ANKRD17: variants seen among roughly 807,000 people sequenced by gnomAD.
ANKRD17 encodes ankyrin repeat domain 17.
ANKRD17 carries 19 observed loss-of-function variants against 229.7 expected under a neutral mutation model. That is an observed-to-expected ratio of 0.08 (90% confidence interval 0.06 to 0.12). The LOEUF (loss-of-function observed/expected upper bound fraction) is 0.12. Ranked by LOEUF, ANKRD17 falls within the 10% of genes least tolerant of loss-of-function variation. ANKRD17 has a pLI of 1.00. For missense variants in ANKRD17, 2,176 were observed against 3,176.8 expected, an observed-to-expected ratio of 0.68 and a Z score of 7.57; for synonymous variants, 1,112 against 1,146.1, an observed-to-expected ratio of 0.97 and a Z score of 0.60.
chr4:73,179,612 G>A (rs1480288798), intron 1 of ANKRD17, among the ~76,000 whole-genome samples: 2 of 147,202 alleles, frequency 1.4e-5, no homozygotes, highest in Non-Finnish European at 3.0e-5. Context: ...TCCTGCCTTG[G>A]CCTCCCAAGT....
chr4:73,094,260 T>C, intron 27 of ANKRD17, 32 bp from the exon 28 acceptor site: 2 of 1,571,102 alleles, frequency 1.3e-6, no homozygotes, highest in Non-Finnish European at 1.7e-6. Context: ...AAATTAAGAT[T>C]AGTCATTAAC....
chr4:73,135,538 T>C (rs1178700054), intron 15 of ANKRD17, among the ~76,000 whole-genome samples: 1 of 152,054 alleles, frequency 6.6e-6, no homozygotes, highest in Non-Finnish European at 1.5e-5. Flanking sequence ...AAAATAACCC[T>C]GAAAACAAAA....
At chr4:73,153,012 C>T (rs1161255430) in intron 6 of ANKRD17, among the ~76,000 whole-genome samples, 1 of 152,136 alleles carries the variant, frequency 6.6e-6, no homozygotes, top group East Asian at 1.9e-4. Context: ...AGGCATCATA[C>T]AACCTTGGCT....
intron 27 of ANKRD17, among the ~76,000 whole-genome samples, chr4:73,095,602 C>CA (rs74663586): frequency 0.047 from 2,265 of 48,042 alleles, 50 homozygotes; most frequent in African/African-American, 0.12. Flanking sequence ...AACTCCATCT[C>CA]AAAAAAAAAA....
chr4:73,232,840 C>G (rs952357412), intron 1 of ANKRD17, among the ~76,000 whole-genome samples: 1 of 152,090 alleles, frequency 6.6e-6, no homozygotes, highest in Non-Finnish European at 1.5e-5. Context: ...TCTCCTGCCT[C>G]GGCCTCCCAA....
At chr4:73,246,335 TG>T (rs1744497635) in intron 1 of ANKRD17, among the ~76,000 whole-genome samples, 1 of 152,188 alleles carries the variant, frequency 6.6e-6, no homozygotes, top group Non-Finnish European at 1.5e-5. Flanking sequence ...CACAATGGGT[TG>T]GGTGAAAAGA....
intron 1 of ANKRD17, among the ~76,000 whole-genome samples, chr4:73,253,341 C>T (rs578125561): frequency 1.9e-3 from 288 of 152,320 alleles, no homozygotes; most frequent in Non-Finnish European, 3.1e-3. Context: ...CCATTGCTCA[C>T]GCAGTACAGC....
chr4:73,153,846 A>G, intron 6 of ANKRD17, 34 bp downstream of exon 6: 1 of 1,346,000 alleles, frequency 7.4e-7, no homozygotes. Flanking sequence ...TCACATATTT[A>G]AAAACTTTGT....
intron 6 of ANKRD17, among the ~76,000 whole-genome samples, chr4:73,152,644 A>G (rs984348534): frequency 6.6e-6 from 1 of 152,162 alleles, no homozygotes; most frequent in Non-Finnish European, 1.5e-5. Context: ...GAGAGGGCAG[A>G]GTAGTTACAA....
At chr4:73,184,795 A>G (rs1454585030) in intron 1 of ANKRD17, among the ~76,000 whole-genome samples, 1 of 152,216 alleles carries the variant, frequency 6.6e-6, no homozygotes, top group Non-Finnish European at 1.5e-5. Context: ...TAATACAGTG[A>G]TTGTGCAGAG....
At chr4:73,175,988 G>GAA (rs146454432) in intron 2 of ANKRD17, among the ~76,000 whole-genome samples, 8 of 138,266 alleles carry the variant, frequency 5.8e-5, no homozygotes, top group African/African-American at 8.0e-5. Flanking sequence ...TTCTGCACAG[G>GAA]AAAAAAAAAA....
chr4:73,120,779 A>T (rs1224233631), intron 20 of ANKRD17, 102 bp downstream of exon 20: 1 of 954,802 alleles, frequency 1.0e-6, no homozygotes, highest in African/African-American at 1.7e-5. Context: ...ATAGGAGATA[A>T]ATGTTACTAG....
chr4:73,207,122 C>T lies in ANKRD17; in HGVS notation c.394-29589G>A, dbSNP rs565685952. On this transcript the variant is annotated intron_variant, in intron 1 of 33. Transcript: ENST00000358602. ...TACAGGCATGAGCCACCGTGCCCAG[C>T]CAAGAGAGTAGATTTTTAAGTGATC... is the stretch of plus-strand genomic sequence containing the variant. Among the ~76,000 whole-genome samples the T allele has an allele frequency of 7.4e-4, 113 of 152,116 alleles. 1 individual carries two copies. In the South Asian group the frequency reaches 0.016, roughly 22 times the overall value.
chr4:73,193,829 G>A (rs2149076521), intron 1 of ANKRD17, among the ~76,000 whole-genome samples: 1 of 152,216 alleles, frequency 6.6e-6, no homozygotes, highest in Admixed American at 6.5e-5. Flanking sequence ...AAGTACTCGG[G>A]GCTGGGGCAG....
chr4:73,182,028 A>T (rs1233553435), intron 1 of ANKRD17, among the ~76,000 whole-genome samples: 1 of 113,590 alleles, frequency 8.8e-6, no homozygotes, highest in African/African-American at 3.4e-5. Context: ...AGCCTGGGCG[A>T]CAGAGCAAGA....
In ANKRD17 at chr4:73,098,892, G is replaced by A. The variant is rs533399012; in HGVS notation, c.4574-372C>T. ...CAGGAAATGGACAGCACTGAGAAGCGGGGCCGGGGCAGGCCCCGCAAGCAG... is the reference window on the plus strand; with the variant it reads ...CAGGAAATGGACAGCACTGAGAAGCAGGGCCGGGGCAGGCCCCGCAAGCAG... On this transcript the variant is annotated intron_variant, in intron 25 of 33. Coordinates refer to ENST00000358602, the MANE Select transcript of ANKRD17 (RefSeq NM_032217.5). The A allele has an allele frequency of 1.7e-5, 21 of 1,232,482 alleles. No individual in the cohort carries two copies. In the South Asian group the frequency reaches 1.8e-4, roughly 11 times the overall value. The allele number at this position is 1,232,482 out of a possible 1,614,324, so 76.3% of individuals were successfully genotyped here.
intron 1 of ANKRD17, among the ~76,000 whole-genome samples, chr4:73,195,809 C>A (rs1737790330): frequency 6.6e-6 from 1 of 151,488 alleles, no homozygotes; most frequent in Non-Finnish European, 1.5e-5. Context: ...GCCCAGCCTG[C>A]TGAAGAATTT....
intron 1 of ANKRD17, among the ~76,000 whole-genome samples, chr4:73,224,157 G>A (rs571660010): frequency 6.6e-6 from 1 of 152,276 alleles, no homozygotes; most frequent in East Asian, 1.9e-4. Context: ...TCAGGTGGCT[G>A]CATGAGAATC....
chr4:73,155,183 T>G (rs1356040959), intron 5 of ANKRD17, among the ~76,000 whole-genome samples: 1 of 152,220 alleles, frequency 6.6e-6, no homozygotes, highest in African/African-American at 2.4e-5. Flanking sequence ...ACTAAAGTTA[T>G]GCTCTTCTTC....
Sources: allele counts gnomAD v4.1 joint callset (sites outside exome capture counted in the v4.1 genomes callset), GRCh38; gene constraint gnomAD v4.1.1; transcripts MANE v1.5; gene names NCBI Gene and HGNC (gene_info 2026-07-23, HGNC 2026-07-21).